SLC44A3: variants seen among roughly 807,000 people sequenced by gnomAD.
SLC44A3 encodes choline transporter-like protein 3.
Under a neutral mutation model 75.4 loss-of-function variants are expected in SLC44A3, and 74 were observed. That is an observed-to-expected ratio of 0.98 (90% CI 0.81 to 1.19). The LOEUF (loss-of-function observed/expected upper bound fraction) is 1.19, where lower values mean the gene tolerates loss of function less well. Among genes scored for constraint, SLC44A3 ranks in the 50% most tolerant of loss-of-function variants. SLC44A3 has a pLI of 0.00. For synonymous variants in SLC44A3, 310 were observed against 296.9 expected (o/e 1.04, Z -0.45); for missense variants, 700 against 778.6 (o/e 0.90, Z 1.20).
chr1:94,885,049 C>T (rs574556291), intron 12 of SLC44A3, among the ~76,000 whole-genome samples: 23 of 152,102 alleles, frequency 1.5e-4, no homozygotes, highest in Admixed American at 9.2e-4. Context: ...AGTTTGAGAC[C>T]AGCCTGGCCA....
chr1:94,892,475 T>C lies in SLC44A3; in HGVS notation c.1815T>C (p.Asp605=), dbSNP rs1268659355. 3 of 1,614,092 alleles carry C rather than the reference T, an allele frequency of 1.9e-6. No individual in the cohort carries two copies. The highest frequency in any genetic ancestry group is 1.7e-6 in the Non-Finnish European group (2 of 1,180,048). The change falls in exon 14 of 15, where the codon GAT becomes GAC. Residue 605 remains aspartate, a synonymous_variant. Transcript: ENST00000271227. ...LCFAVDLETN[D]GSSEKPYFMD... ...TTGCTGTTGATCTGGAAACAAATGA[T>C]GGATCGTCAGAAAAGCCCTACTTTA...
At chr1:94,853,035 T>C (rs1665409876) in intron 9 of SLC44A3, among the ~76,000 whole-genome samples, 1 of 152,180 alleles carries the variant, frequency 6.6e-6, no homozygotes, top group Non-Finnish European at 1.5e-5. Flanking sequence ...GGGAACATAT[T>C]AATAGTATTT....
chr1:94,880,528 T>G (rs1178754074), intron 12 of SLC44A3, among the ~76,000 whole-genome samples: 1 of 152,346 alleles, frequency 6.6e-6, no homozygotes, highest in East Asian at 1.9e-4. Context: ...CTGATTCCAT[T>G]CATACAGTAT....
intron 5 of SLC44A3, among the ~76,000 whole-genome samples, chr1:94,833,013 C>T (rs1662322150): frequency 1.3e-5 from 2 of 151,490 alleles, no homozygotes; most frequent in African/African-American, 4.9e-5. Flanking sequence ...ATGTGATAAA[C>T]TTCTCACTTG....
At chr1:94,856,580 GT>G (rs1428541601) in intron 9 of SLC44A3, among the ~76,000 whole-genome samples, 1 of 152,198 alleles carries the variant, frequency 6.6e-6, no homozygotes, top group Non-Finnish European at 1.5e-5. Flanking sequence ...AAAGCTTTGT[GT>G]GGTTTCATCA....
chr1:94,839,997 G>A lies in SLC44A3; in HGVS notation c.720G>A (p.Leu240=), dbSNP rs139355124. The change falls in exon 7 of 15, where the codon CTG becomes CTA. Residue 240 remains leucine (L), a synonymous_variant. Transcript: ENST00000271227. ...MFTFRFITTL[L]VHIFISLVIL... ...CCTTCAGATTCATCACCACCCTTCT[G>A]GTTCACATTTTCATTTCATTGGTTA... is the stretch of plus-strand genomic sequence containing the variant. The A allele has an allele frequency of 1.1e-3, 1,749 of 1,613,930 alleles. 30 individuals carry two copies. In the East Asian group the frequency reaches 0.035, roughly 32 times the overall value.
At chr1:94,841,392 G>A (rs962546343) in intron 7 of SLC44A3, among the ~76,000 whole-genome samples, 20 of 152,090 alleles carry the variant, frequency 1.3e-4, no homozygotes, top group Admixed American at 9.8e-4. Context: ...GCCCTGTGTC[G>A]GAGGACAGGC....
chr1:94,827,511 G>A lies in SLC44A3; in HGVS notation c.283G>A (p.Val95Met), dbSNP rs143647362. The change falls in exon 4 of 15, where the codon GTG (valine) becomes ATG (methionine). Residue 95 changes from valine (V) to methionine (M), a missense_variant. Transcript: ENST00000271227. ...TCTGTTTCATCTATTTCCTAGACAC[G>A]TGTTCTTTATGAATTCCTGCAACCT... ...SGQDMTLKKH[V>M]FFMNSCNLEV... is the part of the protein sequence containing the mutation. 48 of 1,614,174 alleles carry A rather than the reference G, an allele frequency of 3.0e-5. No individual in the cohort carries two copies. In the South Asian group the frequency reaches 3.2e-4, roughly 11 times the overall value.
chr1:94,821,356 C>T (rs1166193294), intron 2 of SLC44A3, among the ~76,000 whole-genome samples: 1 of 152,184 alleles, frequency 6.6e-6, no homozygotes, highest in Admixed American at 6.5e-5. Context: ...ACTTACTGAA[C>T]AGAAGTTCTT....
chr1:94,847,159 C>A (rs1664512637), intron 9 of SLC44A3, among the ~76,000 whole-genome samples: 1 of 152,254 alleles, frequency 6.6e-6, no homozygotes, highest in South Asian at 2.1e-4. Context: ...CTCAAAACAA[C>A]AGTGGCTAAA....
chr1:94,894,383 C>A (rs1009075882), intron 14 of SLC44A3, among the ~76,000 whole-genome samples: 2 of 152,150 alleles, frequency 1.3e-5, no homozygotes, highest in Non-Finnish European at 2.9e-5. Context: ...AAGAAAAAAA[C>A]CACCTCTGGC....
chr1:94,889,176 A>T (rs762127422), intron 12 of SLC44A3: 1 of 152,130 alleles, frequency 6.6e-6, no homozygotes, highest in Non-Finnish European at 1.5e-5. Context: ...AGTGGTCTTC[A>T]TCTCTTCTAC....
intron 1 of SLC44A3, 70 bp downstream of exon 1, chr1:94,820,548 A>C: frequency 2.8e-6 from 4 of 1,453,454 alleles, no homozygotes; most frequent in Non-Finnish European, 3.6e-6. Flanking sequence ...GCCTTCACGC[A>C]CCTTCCCTGC....
intron 8 of SLC44A3, among the ~76,000 whole-genome samples, chr1:94,842,954 C>T (rs1663860371): frequency 6.6e-6 from 1 of 152,208 alleles, no homozygotes; most frequent in South Asian, 2.1e-4. Context: ...TTGTGATCTT[C>T]ACATAAAATG....
chr1:94,838,883 T>A (rs986541947), intron 6 of SLC44A3: 6 of 152,256 alleles, frequency 3.9e-5, no homozygotes, highest in African/African-American at 1.4e-4. Flanking sequence ...CTTATTAGAT[T>A]CATAATGGTA....
intron 12 of SLC44A3, among the ~76,000 whole-genome samples, chr1:94,878,220 G>A (rs550781741): frequency 5.9e-4 from 89 of 151,934 alleles, no homozygotes; most frequent in South Asian, 5.6e-3. Context: ...GGGCGACAGC[G>A]AGACTCCGTC....
At chr1:94,820,889 G>A in intron 1 of SLC44A3, 60 bp from the exon 2 acceptor site, 1 of 1,471,720 alleles carries the variant, frequency 6.8e-7, no homozygotes, top group Non-Finnish European at 9.2e-7. Context: ...TTTGGGTTCG[G>A]TTTCCAGGTT....
intron 8 of SLC44A3, among the ~76,000 whole-genome samples, 179 bp downstream of exon 8, chr1:94,842,303 A>T (rs1571235947): frequency 6.6e-6 from 1 of 152,182 alleles, no homozygotes; most frequent in East Asian, 1.9e-4. Context: ...TAAGAAAAAA[A>T]GGTTTTAGTT....
intron 9 of SLC44A3, among the ~76,000 whole-genome samples, chr1:94,853,785 A>G (rs12403853): frequency 0.017 from 2,548 of 152,038 alleles, 99 homozygotes; most frequent in East Asian, 0.13. Context: ...ACAGTTGGGC[A>G]GAAGAAGGGG....
Sources: allele counts gnomAD v4.1 joint callset (sites outside exome capture counted in the v4.1 genomes callset), GRCh38; gene constraint gnomAD v4.1.1; transcripts MANE v1.5; gene names NCBI Gene and HGNC (gene_info 2026-07-23, HGNC 2026-07-21).